SNTG2: variants seen among roughly 807,000 people sequenced by gnomAD.
SNTG2 encodes syntrophin gamma 2.
In SNTG2, 74 loss-of-function variants were observed where a neutral mutation model predicts 70.9. That is an observed-to-expected ratio of 1.04 (90% CI 0.86 to 1.27). The LOEUF is 1.27. Among genes scored for constraint, SNTG2 ranks in the 50% most tolerant of loss-of-function variants. The probability of loss-of-function intolerance (pLI) is 0.00; values close to 1 mark genes in which losing one functional copy is unlikely to be tolerated. For synonymous variants in SNTG2, 278 were observed against 273.8 expected, an observed-to-expected ratio of 1.02 and a Z score of -0.15; for missense variants, 717 against 690.7, an observed-to-expected ratio of 1.04 and a Z score of -0.43.
chr2:1,042,115 G>A (rs1442816688), intron 1 of SNTG2, among the ~76,000 whole-genome samples: 1 of 152,178 alleles, frequency 6.6e-6, no homozygotes, highest in Non-Finnish European at 1.5e-5. Context: ...CACAGATGCT[G>A]AATTATGAAT....
At chr2:1,101,265 T>A (rs1227094615) in intron 4 of SNTG2, among the ~76,000 whole-genome samples, 6 of 151,694 alleles carry the variant, frequency 4.0e-5, no homozygotes, top group Admixed American at 6.6e-5. Flanking sequence ...TCACCACCCC[T>A]CCAGGCCCAG....
intron 1 of SNTG2, among the ~76,000 whole-genome samples, chr2:985,054 A>G (rs565796126): frequency 1.3e-5 from 2 of 152,272 alleles, no homozygotes; most frequent in Non-Finnish European, 2.9e-5. Context: ...AAAAACAATC[A>G]CCTCAATTTG....
chr2:1,140,793 C>T (rs1036635383), intron 6 of SNTG2, among the ~76,000 whole-genome samples: 6 of 148,158 alleles, frequency 4.0e-5, no homozygotes, highest in African/African-American at 1.5e-4. Context: ...GTCTAAGTTA[C>T]AGTCTAAGTT....
intron 16 of SNTG2, among the ~76,000 whole-genome samples, chr2:1,366,773 G>A (rs1257178421): frequency 6.6e-6 from 1 of 152,308 alleles, no homozygotes; most frequent in East Asian, 1.9e-4. Context: ...AGCAGGCGCT[G>A]TTCCTCCCAA....
intron 1 of SNTG2, among the ~76,000 whole-genome samples, chr2:975,735 T>C (rs1660889609): frequency 6.6e-6 from 1 of 152,260 alleles, no homozygotes; most frequent in African/African-American, 2.4e-5. Flanking sequence ...ATGTATTTAG[T>C]AAATTGTGAG....
At chr2:989,567 A>T (rs187457405) in intron 1 of SNTG2, among the ~76,000 whole-genome samples, 3 of 152,174 alleles carry the variant, frequency 2.0e-5, no homozygotes, top group Middle Eastern at 3.4e-3. Flanking sequence ...GGGATTATGT[A>T]TTTTTCTTTT....
intron 16 of SNTG2, among the ~76,000 whole-genome samples, chr2:1,333,142 C>G (rs1056287109): frequency 3.3e-5 from 5 of 152,160 alleles, no homozygotes; most frequent in Non-Finnish European, 5.9e-5. Flanking sequence ...ATGAGTAGCA[C>G]TGCTATACAC....
rs1344582342 is a variant in SNTG2 at position 1,092,431 on chromosome 2, C to T, written c.211-5765C>T. Among the ~76,000 whole-genome samples the T allele has an allele frequency of 7.2e-5, 11 of 152,258 alleles. No individual in the cohort carries two copies. In the East Asian group the frequency reaches 2.1e-3, roughly 29 times the overall value. ...ACCCCAGGTCATCCTGTCCTCACCA[C>T]AAGAAGGGTTTTGGGCTGAACAAAC... is the stretch of plus-strand genomic sequence containing the variant. On this transcript the variant is annotated intron_variant, in intron 2 of 16. Coordinates refer to ENST00000308624, the MANE Select transcript of SNTG2 (RefSeq NM_018968.4).
At chr2:1,082,655 G>A (rs557943617) in intron 1 of SNTG2, among the ~76,000 whole-genome samples, 1 of 152,310 alleles carries the variant, frequency 6.6e-6, no homozygotes, top group Admixed American at 6.5e-5. Context: ...TGCCACCCCT[G>A]CTCCTGCACT....
At chr2:1,014,952 G>A (rs6707145) in intron 1 of SNTG2, among the ~76,000 whole-genome samples, 54,693 of 152,060 alleles carry the variant, frequency 0.36, 10,784 homozygotes, top group Middle Eastern at 0.52. Flanking sequence ...CTTGAGGGGT[G>A]GAGGGGGAGC....
In SNTG2 at chr2:1,008,094, C is replaced by T. The variant is rs188927672; in HGVS notation, c.72+57026C>T. ...GGGGGCTTGTTATTTCTTGGCCTTA[C>T]TGATCTTGGCATTTATTTAAAAGGC... On this transcript the variant is annotated intron_variant, in intron 1 of 16. Transcript: ENST00000308624. 2.6e-4 allele frequency among the ~76,000 whole-genome samples: 39 copies of T among 152,290 alleles called. No homozygotes were observed. In the Middle Eastern group the frequency reaches 0.01, roughly 40 times the overall value.
chr2:1,251,626 GCACACACAC>G (rs1263603665), intron 12 of SNTG2, among the ~76,000 whole-genome samples: 1 of 84,802 alleles, frequency 1.2e-5, no homozygotes, highest in Non-Finnish European at 2.4e-5. Context: ...CACACACACC[GCACACACAC>G]CACACAAACC....
chr2:1,227,596 A>G (rs1222526863), intron 9 of SNTG2, among the ~76,000 whole-genome samples: 1 of 152,150 alleles, frequency 6.6e-6, no homozygotes, highest in Non-Finnish European at 1.5e-5. Context: ...GCTTCCACAC[A>G]AGCTCCTCAG....
intron 9 of SNTG2, among the ~76,000 whole-genome samples, chr2:1,225,601 C>T (rs1675719195): frequency 6.6e-6 from 1 of 152,130 alleles, no homozygotes; most frequent in South Asian, 2.1e-4. Flanking sequence ...GAAACATTGA[C>T]GGGCGGCTCT....
At chr2:1,266,557 A>G (rs1029862753) in intron 13 of SNTG2, among the ~76,000 whole-genome samples, 3 of 152,144 alleles carry the variant, frequency 2.0e-5, no homozygotes, top group Non-Finnish European at 4.4e-5. Flanking sequence ...GTGCCTTGTC[A>G]TGCTTCAGAG....
At chr2:1,087,441 G>C (rs1202702322) in intron 2 of SNTG2, among the ~76,000 whole-genome samples, 3 of 152,100 alleles carry the variant, frequency 2.0e-5, no homozygotes, top group African/African-American at 7.2e-5. Flanking sequence ...ACTGTTCCCG[G>C]GTAAATGCAG....
At position 1,308,510 on chromosome 2, in the gene SNTG2, G is replaced by A. The variant is rs1170619673; in HGVS notation, c.1301G>A (p.Cys434Tyr). Reference sequence around the variant, plus strand: ...TTTTTCTAGTCCAGAACATACATGTGCAGCTGGCAAGGAGAGATGCTGTGT... The same window carrying A: ...TTTTTCTAGTCCAGAACATACATGTACAGCTGGCAAGGAGAGATGCTGTGT... ...VQRTGSRTYM[C>Y]SWQGEMLCFT... Residue 434 changes from cysteine (C) to tyrosine (Y), a missense_variant, in exon 15 of 17, where the codon TGC (cysteine) becomes TAC (tyrosine). Cys to Tyr is a radical substitution (Grantham distance 194). Transcript: ENST00000308624. 6.4e-7 allele frequency: 1 copy of A among 1,551,578 alleles called. No homozygotes were observed. The highest frequency in any genetic ancestry group is 1.2e-5 in the South Asian group (1 of 84,044).
intron 1 of SNTG2, among the ~76,000 whole-genome samples, chr2:1,018,414 C>A (rs1362182126): frequency 6.6e-6 from 1 of 152,114 alleles, no homozygotes; most frequent in Non-Finnish European, 1.5e-5. Flanking sequence ...ACTCCTGAGA[C>A]CATGGTGGGC....
chr2:1,062,289 G>A (rs1662875584), intron 1 of SNTG2, among the ~76,000 whole-genome samples: 1 of 152,134 alleles, frequency 6.6e-6, no homozygotes, highest in African/African-American at 2.4e-5. Flanking sequence ...TACTTTTGTT[G>A]TTGTCTAGAT....
Sources: gnomAD v4.1 joint callset for allele counts (sites outside exome capture counted in the v4.1 genomes callset) on GRCh38, gnomAD v4.1.1 for gene constraint, MANE v1.5 for transcripts, NCBI Gene and HGNC (gene_info 2026-07-23, HGNC 2026-07-21) for gene names.